GVQW3: variants seen among roughly 807,000 people sequenced by gnomAD.
The protein encoded by GVQW3 is protein GVQW3.
GVQW3 carries 7 observed loss-of-function variants against 12.5 expected under a neutral mutation model. The observed-to-expected ratio is 0.56, with a 90% CI of 0.32 to 1.05. The LOEUF (loss-of-function observed/expected upper bound fraction) is 1.05. Among genes scored for constraint, GVQW3 ranks in the 50% least tolerant of loss-of-function variants. The pLI is 0.04. For missense variants in GVQW3, 188 were observed against 190.8 expected, an observed-to-expected ratio of 0.99 and a Z score of 0.09; for synonymous variants, 71 against 67.2, an observed-to-expected ratio of 1.06 and a Z score of -0.28.
intron 1 of GVQW3, among the ~76,000 whole-genome samples, chr11:76,401,715 G>A (rs1282386427): frequency 6.7e-6 from 1 of 148,370 alleles, no homozygotes; most frequent in Non-Finnish European, 1.5e-5. Flanking sequence ...GGAGGTTGCA[G>A]TGAGCTGAGA....
At chr11:76,403,616 T>A in intron 1 of GVQW3, 44 bp from the exon 2 acceptor site, 1 of 446,948 alleles carries the variant, frequency 2.2e-6, no homozygotes, top group Admixed American at 4.0e-5. Context: ...ACTACAAGCA[T>A]GTGCCACCAT....
chr11:76,395,840 A>T (rs539012045), intron 1 of GVQW3, among the ~76,000 whole-genome samples: 1 of 152,290 alleles, frequency 6.6e-6, no homozygotes, highest in South Asian at 2.1e-4. Flanking sequence ...ATTTTTGGAA[A>T]TAGCTTTTGG....
chr11:76,410,581 A>G (rs77557036), downstream of GVQW3, among the ~76,000 whole-genome samples: 38 of 152,340 alleles, frequency 2.5e-4, no homozygotes, highest in African/African-American at 9.1e-4. Context: ...CCCAAAGTGA[A>G]TCAGTCTCTG....
chr11:76,387,222 G>A (rs1210427873), intron 1 of GVQW3, among the ~76,000 whole-genome samples: 2 of 151,898 alleles, frequency 1.3e-5, no homozygotes, highest in Non-Finnish European at 2.9e-5. Context: ...GATCACCTGA[G>A]GTCAGGAGTT....
intron 1 of GVQW3, chr11:76,392,757 G>A (rs1031925445): frequency 1.3e-5 from 2 of 152,214 alleles, no homozygotes; most frequent in Non-Finnish European, 2.9e-5. Context: ...TTCCAGAGGT[G>A]CGTATTCATA....
intron 1 of GVQW3, among the ~76,000 whole-genome samples, chr11:76,400,350 G>T (rs929972038): frequency 6.6e-6 from 1 of 151,878 alleles, no homozygotes; most frequent in African/African-American, 2.4e-5. Flanking sequence ...CTGACCTCAG[G>T]TAATCCACCT....
chr11:76,397,039 C>T, intron 1 of GVQW3, among the ~76,000 whole-genome samples: 1 of 124,514 alleles, frequency 8.0e-6, no homozygotes, highest in South Asian at 2.5e-4. Flanking sequence ...GAGTTTCGCT[C>T]TTGTTGCCCA....
intron 1 of GVQW3, among the ~76,000 whole-genome samples, chr11:76,391,994 T>G (rs778523359): frequency 1.3e-5 from 2 of 152,198 alleles, no homozygotes; most frequent in Admixed American, 6.5e-5. Context: ...GGTCATTTAC[T>G]GAATTCCTTC....
intron 1 of GVQW3, chr11:76,382,507 G>A (rs957877067): frequency 3.3e-6 from 2 of 614,506 alleles, no homozygotes; most frequent in Admixed American, 2.9e-5. Flanking sequence ...CTGCCTCACT[G>A]TTAGGCACCT....
At position 76,404,732 on chromosome 11, in the gene GVQW3, T is replaced by C. The variant is rs1160661329; in HGVS notation, c.*974T>C. 2 of 152,402 alleles carry C rather than the reference T, an allele frequency of 1.3e-5. No homozygotes were observed. The highest frequency in any genetic ancestry group is 3.9e-4 in the East Asian group (2 of 5,188). The allele number at this position is 152,402 out of a possible 1,614,324, so 9.4% of individuals were successfully genotyped here. ...GTTGAGTCCTGCTGGGTTTGGGCAA[T>C]GTCTCAGCAGAGACTGGCATACTCT... On this transcript the variant is annotated 3_prime_UTR_variant, in exon 2 of 2. Transcript: ENST00000529331.
intron 1 of GVQW3, among the ~76,000 whole-genome samples, chr11:76,394,385 TC>T: frequency 6.6e-6 from 1 of 151,316 alleles, no homozygotes. Flanking sequence ...ACTCTCTGTC[TC>T]CATAAGTTCA....
At chr11:76,390,601 C>T (rs1488301911) in intron 1 of GVQW3, among the ~76,000 whole-genome samples, 2 of 152,070 alleles carry the variant, frequency 1.3e-5, no homozygotes, top group Non-Finnish European at 2.9e-5. Flanking sequence ...TTTGGGAGGC[C>T]GAGGCGGGTG....
exon 2 of GVQW3, chr11:76,413,496 C>T: frequency 6.6e-6 from 1 of 152,212 alleles, no homozygotes; most frequent in Admixed American, 6.5e-5. Context: ...CACAGTTCCT[C>T]ATCTATAAGA....
chr11:76,381,834 T>C lies in GVQW3; in HGVS notation c.6T>C (p.Ser2=), dbSNP rs1475421291. 1.3e-6 allele frequency: 2 copies of C among 1,527,444 alleles called. No homozygotes were observed. Among genetic ancestry groups the C allele is most frequent in the East Asian group, 4.9e-5 (2 of 40,898 alleles). 94.6% of individuals were successfully genotyped at this position (1,527,444 alleles called of 1,614,324 possible). A position where few individuals can be genotyped will look rare whatever the true frequency, so the allele number is the denominator to read the frequency against. The part of the protein sequence containing the change: M[S]DRYLEQRISI... ...CTGTGTTGTTCAGTGCCAGAATGAG[T>C]GACCGCTATTTAGAACAAAGGATTA... is the stretch of plus-strand genomic sequence containing the variant. Residue 2 remains serine (S), a synonymous_variant, in exon 1 of 2, where the codon AGT becomes AGC. Transcript: ENST00000529331.
intron 1 of GVQW3, among the ~76,000 whole-genome samples, chr11:76,391,614 G>T (rs1282493341): frequency 6.6e-6 from 1 of 152,078 alleles, no homozygotes; most frequent in East Asian, 1.9e-4. Context: ...CTAGAGTTCG[G>T]GTCTGTCATC....
At position 76,394,682 on chromosome 11, in the gene GVQW3, T is replaced by C. The variant is rs181327729; in HGVS notation, c.466-8978T>C. 2.5e-3 allele frequency among the ~76,000 whole-genome samples: 375 copies of C among 152,346 alleles called. 1 individual carries two copies. Among genetic ancestry groups the C allele is most frequent in the African/African-American group, 8.7e-3 (361 of 41,578 alleles). Reference sequence around the variant, plus strand: ...TGCAGGTATCTCTTTGATATACTGATTTGCTTTCTTTTGGGTATATACCTA... The same window carrying C: ...TGCAGGTATCTCTTTGATATACTGACTTGCTTTCTTTTGGGTATATACCTA... On this transcript the variant is annotated intron_variant, in intron 1 of 1. Coordinates refer to ENST00000529331, the MANE Select transcript of GVQW3 (RefSeq NM_001347885.2).
At chr11:76,409,705 G>A (rs1947068725), downstream of GVQW3, among the ~76,000 whole-genome samples, 1 of 152,132 alleles carries the variant, frequency 6.6e-6, no homozygotes. Context: ...TCTCATTCAA[G>A]GGCAGGACTG....
downstream of GVQW3, chr11:76,412,216 G>A (rs1219382423): frequency 1.3e-5 from 2 of 152,370 alleles, no homozygotes; most frequent in Admixed American, 6.5e-5. Flanking sequence ...CATTTAGTAG[G>A]AGAAACAGAG....
In GVQW3 at chr11:76,382,013, G is replaced by T. The variant is rs979705777; in HGVS notation, c.185G>T (p.Arg62Leu). 1.3e-6 allele frequency: 2 copies of T among 1,536,302 alleles called. No individual in the cohort carries two copies. The highest frequency in any genetic ancestry group is 1.7e-6 in the Non-Finnish European group (2 of 1,146,984). The change falls in exon 1 of 2, where the codon CGA (arginine) becomes CTA (leucine). Residue 62 changes from arginine (R) to leucine (L), a missense_variant. Physicochemically the swap from Arg to Leu is moderately radical, Grantham distance 102. Transcript: ENST00000529331. The stretch of plus-strand genomic sequence containing the variant: ...CGGGAAGATGTTCGAGATGATGCCC[G>T]AAGTGGGCGTCCAGTCACCCACCGA... ...EGREDVRDDA[R>L]SGRPVTHRTD...
Sources: gnomAD v4.1 joint callset for allele counts (sites outside exome capture counted in the v4.1 genomes callset) on GRCh38, gnomAD v4.1.1 for gene constraint, MANE v1.5 for transcripts, NCBI Gene and HGNC (gene_info 2026-07-23, HGNC 2026-07-21) for gene names.